The following GRAMD1B variants were observed in gnomAD, a reference collection of about 807,000 sequenced individuals.
The protein encoded by GRAMD1B is protein Aster-B.
Under a neutral mutation model 99.7 loss-of-function variants are expected in GRAMD1B, and 37 were observed. The ratio of observed to expected loss-of-function variants is 0.37; its 90% CI spans 0.29 to 0.49. The LOEUF is 0.49. Among genes scored for constraint, GRAMD1B ranks in the 20% least tolerant of loss-of-function variants. The pLI, the probability that GRAMD1B is intolerant of heterozygous loss-of-function variation, is 0.98. For synonymous variants in GRAMD1B, 427 were observed against 387.6 expected, an observed-to-expected ratio of 1.10 and a Z score of -1.19; for missense variants, 888 against 1,009.2, an observed-to-expected ratio of 0.88 and a Z score of 1.63.
At chr11:123,502,365 AG>A (rs1328642160) in intron 2 of GRAMD1B, among the ~76,000 whole-genome samples, 1 of 152,234 alleles carries the variant, frequency 6.6e-6, no homozygotes, top group African/African-American at 2.4e-5. Context: ...TACCATAAAA[AG>A]GCCAGGCAAT....
intron 1 of GRAMD1B, among the ~76,000 whole-genome samples, chr11:123,371,580 C>T (rs905266129): frequency 6.6e-6 from 1 of 152,180 alleles, no homozygotes; most frequent in African/African-American, 2.4e-5. Flanking sequence ...CCACTCCAGC[C>T]AATTAATATC....
intron 1 of GRAMD1B, among the ~76,000 whole-genome samples, chr11:123,386,435 C>CT (rs34243520): frequency 3.4e-4 from 33 of 96,180 alleles, no homozygotes; most frequent in Admixed American, 4.4e-4. Context: ...TCACAATATA[C>CT]TTTTTTTTTT....
intron 2 of GRAMD1B, among the ~76,000 whole-genome samples, chr11:123,513,511 TTTCTTTCC>T (rs1282711233): frequency 1.4e-5 from 2 of 148,116 alleles, no homozygotes; most frequent in Non-Finnish European, 3.0e-5. Flanking sequence ...TCTCTCTTTC[TTTCTTTCC>T]TTCCTTCCTT....
At chr11:123,454,541 C>T (rs903008902) in intron 1 of GRAMD1B, 2 of 152,190 alleles carry the variant, frequency 1.3e-5, no homozygotes, top group African/African-American at 4.8e-5. Flanking sequence ...CTGCCCTTCT[C>T]ATGGTTAAGG....
intron 4 of GRAMD1B, among the ~76,000 whole-genome samples, chr11:123,589,637 T>TATATATATATATATA (rs1565424189): frequency 4.8e-5 from 7 of 147,328 alleles, no homozygotes; most frequent in African/African-American, 1.8e-4. Context: ...TATATATATA[T>TATATATATATATATA]TTGTAGTAGA....
intron 1 of GRAMD1B, among the ~76,000 whole-genome samples, chr11:123,359,180 T>G (rs769189615): frequency 2.0e-5 from 3 of 152,126 alleles, no homozygotes; most frequent in Non-Finnish European, 4.4e-5. Context: ...TCTCCTCCTC[T>G]CTATCTTGCT....
chr11:123,384,025 C>T (rs1169423245), intron 1 of GRAMD1B, among the ~76,000 whole-genome samples: 3 of 151,938 alleles, frequency 2.0e-5, no homozygotes, highest in Admixed American at 1.3e-4. Context: ...CATGCACCAC[C>T]ACGCCCAGCT....
chr11:123,433,263 A>C (rs1383297381), intron 1 of GRAMD1B, among the ~76,000 whole-genome samples: 1 of 152,172 alleles, frequency 6.6e-6, no homozygotes, highest in Non-Finnish European at 1.5e-5. Context: ...CTGTAATCCC[A>C]GCTACTCGGG....
intron 2 of GRAMD1B, among the ~76,000 whole-genome samples, chr11:123,525,217 T>G (rs1374632968): frequency 6.6e-6 from 1 of 152,188 alleles, no homozygotes; most frequent in Non-Finnish European, 1.5e-5. Context: ...TCATGGCAAT[T>G]TCCCCAGCAG....
chr11:123,364,645 A>G (rs1946257597), intron 1 of GRAMD1B, among the ~76,000 whole-genome samples: 1 of 152,158 alleles, frequency 6.6e-6, no homozygotes, highest in Admixed American at 6.5e-5. Context: ...TTCCTTTACT[A>G]TGTCATTTTC....
intron 2 of GRAMD1B, among the ~76,000 whole-genome samples, chr11:123,542,083 T>C (rs1944592856): frequency 6.6e-6 from 1 of 152,328 alleles, no homozygotes; most frequent in African/African-American, 2.4e-5. Context: ...GCCACTTTAT[T>C]TTATGCCAGC....
At chr11:123,604,240 A>G (rs1952396627) in intron 9 of GRAMD1B, among the ~76,000 whole-genome samples, 1 of 152,326 alleles carries the variant, frequency 6.6e-6, no homozygotes. Flanking sequence ...ATTAGTGGAT[A>G]GTCATGAGAC....
chr11:123,484,192 A>G (rs976265336), intron 2 of GRAMD1B, among the ~76,000 whole-genome samples: 5 of 152,118 alleles, frequency 3.3e-5, no homozygotes, highest in Admixed American at 3.3e-4. Context: ...TCTGAGCGTG[A>G]TGTCTTTGCC....
intron 1 of GRAMD1B, among the ~76,000 whole-genome samples, chr11:123,449,731 T>TTTTA (rs1360753936): frequency 6.7e-6 from 1 of 149,340 alleles, no homozygotes; most frequent in African/African-American, 2.5e-5. Flanking sequence ...TTTTTTTTTT[T>TTTTA]GAGACAGGGT....
At chr11:123,419,704 T>A (rs1948357319) in intron 1 of GRAMD1B, among the ~76,000 whole-genome samples, 1 of 30,952 alleles carries the variant, frequency 3.2e-5, no homozygotes, top group Non-Finnish European at 5.8e-5. Context: ...TCTAAGTGTG[T>A]GTGTGTGTGT....
At chr11:123,491,038 A>G (rs1347942811) in intron 2 of GRAMD1B, among the ~76,000 whole-genome samples, 1 of 152,204 alleles carries the variant, frequency 6.6e-6, no homozygotes, top group African/African-American at 2.4e-5. Context: ...CAAGTACCTT[A>G]AAAGACATTT....
intron 2 of GRAMD1B, among the ~76,000 whole-genome samples, chr11:123,573,565 T>G (rs1338527343): frequency 6.6e-6 from 1 of 152,202 alleles, no homozygotes; most frequent in African/African-American, 2.4e-5. Flanking sequence ...GTTTGAAAGT[T>G]TGAAATCTTG....
chr11:123,605,309 T>C lies in GRAMD1B; in HGVS notation c.1167-13T>C, dbSNP rs764372806. The C allele has an allele frequency of 4.4e-6, 7 of 1,588,320 alleles. No individual in the cohort carries two copies. The highest frequency in any genetic ancestry group is 1.7e-4 in the Middle Eastern group (1 of 5,946). ...ACTGAGGGTAATGTGGACTCACTGG[T>C]GTCTCCTCTCAGATACTGTGAAGAG... On this transcript the variant is annotated splice_polypyrimidine_tract_variant and intron_variant, in intron 9 of 19. Coordinates refer to ENST00000635736, the MANE Select transcript of GRAMD1B (RefSeq NM_001387025.1).
upstream of GRAMD1B, among the ~76,000 whole-genome samples, chr11:123,426,230 C>A (rs142565912): frequency 6.6e-6 from 1 of 152,198 alleles, no homozygotes; most frequent in Non-Finnish European, 1.5e-5. Context: ...TCATCTCTTT[C>A]CTGCCACTGC....
Sources: allele counts gnomAD v4.1 joint callset (sites outside exome capture counted in the v4.1 genomes callset), GRCh38; gene constraint gnomAD v4.1.1; transcripts MANE v1.5; gene names NCBI Gene and HGNC (gene_info 2026-07-23, HGNC 2026-07-21).